Variants in SHTN1 observed in about 807,000 individuals in gnomAD.
SHTN1 encodes shootin-1.
In SHTN1, 42 loss-of-function variants were observed where a neutral mutation model predicts 83.1. That is an observed-to-expected ratio of 0.51 (90% confidence interval 0.39 to 0.65). The LOEUF is 0.65. SHTN1 is among the 30% of genes least tolerant of loss of function. The probability of loss-of-function intolerance (pLI) is 0.00; values close to 1 mark genes in which losing one functional copy is unlikely to be tolerated. For missense variants in SHTN1, 622 were observed against 737.8 expected (o/e 0.84, Z 1.82); for synonymous variants, 224 against 247.7 (o/e 0.90, Z 0.90).
intron 1 of SHTN1, among the ~76,000 whole-genome samples, chr10:117,056,490 T>C (rs1852827668): frequency 6.6e-6 from 1 of 152,122 alleles, no homozygotes; most frequent in Non-Finnish European, 1.5e-5. Flanking sequence ...GAAAAAGTAT[T>C]TGACAAAATC....
chr10:116,929,001 A>G (rs551372578), intron 10 of SHTN1, among the ~76,000 whole-genome samples: 1 of 152,346 alleles, frequency 6.6e-6, no homozygotes, highest in South Asian at 2.1e-4. Context: ...ATTCACTAAA[A>G]AGAATGAAAT....
intron 1 of SHTN1, among the ~76,000 whole-genome samples, chr10:117,066,326 C>G (rs779994832): frequency 1.8e-4 from 28 of 152,082 alleles, no homozygotes; most frequent in Non-Finnish European, 4.0e-4. Flanking sequence ...TATAGAGTCC[C>G]TATTATACAG....
At chr10:117,009,524 A>C (rs952354128), upstream of SHTN1, among the ~76,000 whole-genome samples, 1 of 152,130 alleles carries the variant, frequency 6.6e-6, no homozygotes, top group Non-Finnish European at 1.5e-5. Flanking sequence ...TATCAGACAA[A>C]ACAGACTTTA....
At chr10:116,898,149 G>C (rs1223253311) in intron 16 of SHTN1, among the ~76,000 whole-genome samples, 1 of 152,028 alleles carries the variant, frequency 6.6e-6, no homozygotes, top group Admixed American at 6.6e-5. Context: ...CCAACATAGT[G>C]AAACCGCGTC....
chr10:116,928,839 G>A (rs1210419318), intron 10 of SHTN1, among the ~76,000 whole-genome samples: 2 of 152,136 alleles, frequency 1.3e-5, no homozygotes, highest in African/African-American at 2.4e-5. Context: ...CTTTTCTTCT[G>A]TATTTCTTAT....
intron 1 of SHTN1, among the ~76,000 whole-genome samples, chr10:117,053,612 T>C (rs762236876): frequency 1.3e-5 from 2 of 152,164 alleles, no homozygotes; most frequent in Non-Finnish European, 2.9e-5. Flanking sequence ...ATGGGAAGTG[T>C]TGGCAAGGAT....
At chr10:116,980,256 T>C (rs1326653962) in intron 1 of SHTN1, among the ~76,000 whole-genome samples, 1 of 152,224 alleles carries the variant, frequency 6.6e-6, no homozygotes, top group Non-Finnish European at 1.5e-5. Context: ...CAGGGCTGGC[T>C]TCTTGACTGG....
chr10:116,947,344 C>G (rs555509462), intron 7 of SHTN1, among the ~76,000 whole-genome samples: 1 of 152,246 alleles, frequency 6.6e-6, no homozygotes, highest in East Asian at 1.9e-4. Context: ...CAAAATCTTT[C>G]AAAAGGCTCT....
At chr10:117,072,247 C>T (rs1853091577) in intron 1 of SHTN1, among the ~76,000 whole-genome samples, 1 of 152,156 alleles carries the variant, frequency 6.6e-6, no homozygotes, top group East Asian at 1.9e-4. Flanking sequence ...ACTGGCTTTC[C>T]TTGCTCCTCC....
At chr10:116,989,351 CA>C (rs1400719054) in intron 1 of SHTN1, among the ~76,000 whole-genome samples, 1 of 152,070 alleles carries the variant, frequency 6.6e-6, no homozygotes, top group Non-Finnish European at 1.5e-5. Flanking sequence ...TGGGATACCA[CA>C]TTACATTTAG....
At chr10:117,003,607 G>T (rs777009655) in intron 1 of SHTN1, among the ~76,000 whole-genome samples, 19 of 151,880 alleles carry the variant, frequency 1.3e-4, no homozygotes, top group Non-Finnish European at 2.4e-4. Flanking sequence ...AAGAGTACTG[G>T]ACAGGACCTC....
chr10:116,960,473 T>C, intron 3 of SHTN1: 2 of 370,236 alleles, frequency 5.4e-6, no homozygotes. Context: ...ATTATGTACA[T>C]TTTAAGAGCG....
intron 1 of SHTN1, among the ~76,000 whole-genome samples, chr10:117,108,071 A>T (rs1171550876): frequency 6.6e-6 from 1 of 152,168 alleles, no homozygotes; most frequent in Non-Finnish European, 1.5e-5. Context: ...AACCTAGCAA[A>T]ACATGTACCT....
At chr10:116,990,360 G>T (rs1176082247) in intron 1 of SHTN1, among the ~76,000 whole-genome samples, 3 of 105,702 alleles carry the variant, frequency 2.8e-5, no homozygotes, top group Non-Finnish European at 5.4e-5. Flanking sequence ...CCACCTTGTT[G>T]TATGTTTTGA....
At chr10:117,123,632 C>T (rs1287433367) in intron 1 of SHTN1, among the ~76,000 whole-genome samples, 1 of 152,012 alleles carries the variant, frequency 6.6e-6, no homozygotes, top group Non-Finnish European at 1.5e-5. Context: ...TGGCCAGGCA[C>T]GGTGGCTCAC....
chr10:116,988,265 T>C (rs1851294692), intron 1 of SHTN1, among the ~76,000 whole-genome samples: 1 of 151,536 alleles, frequency 6.6e-6, no homozygotes, highest in African/African-American at 2.4e-5. Flanking sequence ...TTTCTGTAAA[T>C]CTAAACTTCT....
At chr10:117,074,473 G>C (rs1244190175) in intron 1 of SHTN1, among the ~76,000 whole-genome samples, 1 of 152,152 alleles carries the variant, frequency 6.6e-6, no homozygotes, top group Non-Finnish European at 1.5e-5. Context: ...TTGTGCTTAT[G>C]TACATCTTTC....
At chr10:117,010,770 TTCA>T (rs1852091980) in intron 2 of SHTN1, among the ~76,000 whole-genome samples, 1 of 152,150 alleles carries the variant, frequency 6.6e-6, no homozygotes, top group African/African-American at 2.4e-5. Context: ...GCAAAAGTGG[TTCA>T]ACATAAGAAA....
rs1564913536 is a variant in SHTN1 at position 116,983,668 on chromosome 10, ATAGATAGATAGATAG to A, written c.59-4375_59-4361del. Among the ~76,000 whole-genome samples, 169 of 70,500 alleles carry A rather than the reference ATAGATAGATAGATAG, an allele frequency of 2.4e-3. 1 individual carries two copies. Among genetic ancestry groups the A allele is most frequent in the African/African-American group, 5.7e-3 (163 of 28,496 alleles). The allele number at this position is 70,500 out of a possible 152,430, so 46.3% of individuals were successfully genotyped here. ...GATAGATAGATAGATAGATAGATAG[ATAGATAGATAGATAG>A]ATAAATACATACATACATACATACA... On this transcript the variant is annotated intron_variant, in intron 1 of 16. Coordinates refer to ENST00000355371, the MANE Select transcript of SHTN1 (RefSeq NM_001127211.3).
Sources: gnomAD v4.1 joint callset for allele counts (sites outside exome capture counted in the v4.1 genomes callset) on GRCh38, gnomAD v4.1.1 for gene constraint, MANE v1.5 for transcripts, NCBI Gene and HGNC (gene_info 2026-07-23, HGNC 2026-07-21) for gene names.